The following HNF4G variants were observed in gnomAD, a reference collection of about 807,000 sequenced individuals.
HNF4G encodes hepatocyte nuclear factor 4-gamma.
HNF4G carries 21 observed loss-of-function variants against 50.9 expected under a neutral mutation model. The ratio of observed to expected loss-of-function variants is 0.41; its 90% CI spans 0.29 to 0.59. HNF4G has a LOEUF of 0.59. Among genes scored for constraint, HNF4G ranks in the 20% least tolerant of loss-of-function variants. The pLI is 0.26. For synonymous variants in HNF4G, 198 were observed against 185.6 expected (o/e 1.07, Z -0.54); for missense variants, 527 against 559.4 (o/e 0.94, Z 0.58).
At chr8:75,560,857 A>G (rs753200991) in intron 9 of HNF4G, among the ~76,000 whole-genome samples, 18 of 151,882 alleles carry the variant, frequency 1.2e-4, no homozygotes, top group Admixed American at 2.6e-4. Context: ...AATATTAAGA[A>G]CTCTCTTAAT....
rs1026647479 is a variant in HNF4G at position 75,517,673 on chromosome 8, G to A, written c.-23-26138G>A. On this transcript the variant is annotated intron_variant, in intron 2 of 10. Coordinates refer to the HNF4G transcript ENST00000354370. ...TGGCCTTGGGCAGCTCCACCCCTGT[G>A]GCTTTGCAGGGTACAGCCCCCCTCC... 7.2e-5 allele frequency among the ~76,000 whole-genome samples: 11 copies of A among 152,158 alleles called. 1 individual carries two copies. The highest frequency in any genetic ancestry group is 5.9e-4 in the Admixed American group (9 of 15,280).
chr8:75,528,317 G>T (rs1033357116), intron 2 of HNF4G, among the ~76,000 whole-genome samples: 3 of 151,978 alleles, frequency 2.0e-5, no homozygotes, highest in African/African-American at 7.3e-5. Context: ...CTATAACATC[G>T]GAAAATATGA....
At chr8:75,450,866 T>C (rs897828229) in intron 1 of HNF4G, among the ~76,000 whole-genome samples, 3 of 152,186 alleles carry the variant, frequency 2.0e-5, no homozygotes, top group African/African-American at 7.2e-5. Context: ...GTGGGTTTGT[T>C]AGAAAGGTGA....
At chr8:75,485,511 GTTAA>G (rs10593547) in intron 1 of HNF4G, among the ~76,000 whole-genome samples, 34,573 of 151,966 alleles carry the variant, frequency 0.23, 5,088 homozygotes, top group African/African-American at 0.42. Context: ...CATAGAAACT[GTTAA>G]TTAAAGTTTT....
At chr8:75,537,097 T>G (rs1270147378), upstream of HNF4G, among the ~76,000 whole-genome samples, 1 of 152,162 alleles carries the variant, frequency 6.6e-6, no homozygotes, top group African/African-American at 2.4e-5. Flanking sequence ...AGGCACATCT[T>G]ACCAATTTTA....
intron 1 of HNF4G, among the ~76,000 whole-genome samples, chr8:75,443,436 A>G (rs1392142056): frequency 6.6e-6 from 1 of 152,242 alleles, no homozygotes; most frequent in Non-Finnish European, 1.5e-5. Flanking sequence ...ATACATATTA[A>G]AAGGATAACA....
chr8:75,515,173 A>G (rs753778689), intron 2 of HNF4G, among the ~76,000 whole-genome samples: 6 of 152,128 alleles, frequency 3.9e-5, no homozygotes, highest in Non-Finnish European at 8.8e-5. Context: ...CACCTGATTG[A>G]TATTCTCAAC....
At chr8:75,424,234 A>G (rs948750118) in intron 1 of HNF4G, among the ~76,000 whole-genome samples, 2 of 152,008 alleles carry the variant, frequency 1.3e-5, no homozygotes, top group African/African-American at 4.8e-5. Context: ...TTTTTTCCTT[A>G]TTAAAGTAAT....
At chr8:75,464,037 G>C (rs539703637) in intron 1 of HNF4G, among the ~76,000 whole-genome samples, 1 of 152,088 alleles carries the variant, frequency 6.6e-6, no homozygotes, top group Admixed American at 6.6e-5. Context: ...ACCTCTGAAA[G>C]TGCTGGGATT....
At chr8:75,489,836 A>G (rs1812581304) in intron 1 of HNF4G, among the ~76,000 whole-genome samples, 1 of 152,188 alleles carries the variant, frequency 6.6e-6, no homozygotes, top group South Asian at 2.1e-4. Context: ...GCCAGATATT[A>G]TGTCTATCAT....
Position 75,564,121 on chromosome 8 carries a change from CT to C in HNF4G, c.*26del, listed in dbSNP as rs775244011. ...AAAATGTGTTTACTTCAGAACGGCA[CT>C]ACATAAATGTGAAAAGTTGTTGATC... is the stretch of plus-strand genomic sequence containing the variant. On this transcript the variant is annotated 3_prime_UTR_variant, in exon 10 of 10. Transcript: ENST00000396423. 6.2e-7 allele frequency: 1 copy of C among 1,610,920 alleles called. No homozygotes were observed. The highest frequency in any genetic ancestry group is 1.1e-5 in the South Asian group (1 of 90,798).
rs143476204 is a variant in HNF4G at position 75,522,725 on chromosome 8, T to A, written c.-23-21086T>A. Among the ~76,000 whole-genome samples the A allele has an allele frequency of 7.1e-3, 1,084 of 152,322 alleles. 6 individuals carry two copies. The highest frequency in any genetic ancestry group is 0.011 in the Non-Finnish European group (748 of 68,034). ...TGTTCCTGGGGAGCAGGCAAAATCA[T>A]CTGCCATTGGAAACCACTGATGTAG... On this transcript the variant is annotated intron_variant, in intron 2 of 10. Coordinates refer to the HNF4G transcript ENST00000354370.
intron 2 of HNF4G, chr8:75,526,825 G>A (rs979029282): frequency 6.6e-6 from 1 of 151,416 alleles, no homozygotes; most frequent in Non-Finnish European, 1.5e-5. Context: ...AGAGTGCAGT[G>A]GCGTGATCTC....
At chr8:75,563,450 T>A (rs778665982) in intron 9 of HNF4G, among the ~76,000 whole-genome samples, 5 of 151,882 alleles carry the variant, frequency 3.3e-5, no homozygotes, top group Non-Finnish European at 7.4e-5. Flanking sequence ...AAAGCCAGTA[T>A]TTTTCAGATG....
chr8:75,502,853 A>G (rs560214711), intron 2 of HNF4G, among the ~76,000 whole-genome samples: 1 of 152,192 alleles, frequency 6.6e-6, no homozygotes, highest in Non-Finnish European at 1.5e-5. Context: ...GTAATAGCAA[A>G]AGTCTGAAAT....
At chr8:75,499,315 T>G (rs2130701372) in intron 2 of HNF4G, among the ~76,000 whole-genome samples, 1 of 152,098 alleles carries the variant, frequency 6.6e-6, no homozygotes, top group East Asian at 1.9e-4. Context: ...AAGAAACACA[T>G]TTAACAAAAG....
chr8:75,555,961 A>G (rs1168969276), intron 5 of HNF4G, 21 bp from the exon 6 acceptor site: 3 of 1,362,634 alleles, frequency 2.2e-6, no homozygotes, highest in Non-Finnish European at 3.0e-6. Flanking sequence ...TTAATTGTTA[A>G]ACTGAGAATT....
chr8:75,447,795 G>C (rs1251777819), intron 1 of HNF4G, among the ~76,000 whole-genome samples: 1 of 112,902 alleles, frequency 8.9e-6, no homozygotes, highest in Non-Finnish European at 1.8e-5. Context: ...AGGTGCTGGA[G>C]AGGATGTGGA....
intron 3 of HNF4G, among the ~76,000 whole-genome samples, chr8:75,548,429 T>C (rs1439271911): frequency 1.3e-5 from 2 of 152,220 alleles, no homozygotes; most frequent in Non-Finnish European, 2.9e-5. Flanking sequence ...AACACTGTTC[T>C]AGGTGCTAAA....
Sources: gnomAD v4.1 joint callset for allele counts (sites outside exome capture counted in the v4.1 genomes callset) on GRCh38, gnomAD v4.1.1 for gene constraint, MANE v1.5 for transcripts, NCBI Gene and HGNC (gene_info 2026-07-23, HGNC 2026-07-21) for gene names.